Variants in PELI1 observed in about 807,000 individuals in gnomAD.
PELI1 encodes pellino E3 ubiquitin protein ligase 1, also known as E3 ubiquitin-protein ligase pellino homolog 1.
In PELI1, 15 loss-of-function variants were observed where a neutral mutation model predicts 41.3. That is an observed-to-expected ratio of 0.36 (90% CI 0.24 to 0.56). The LOEUF (loss-of-function observed/expected upper bound fraction) is 0.56. Ranked by LOEUF, PELI1 falls within the 20% of genes least tolerant of loss-of-function variation. The pLI, the probability that PELI1 is intolerant of heterozygous loss-of-function variation, is 0.82. For missense variants in PELI1, 403 were observed against 525.5 expected (o/e 0.77, Z 2.28); for synonymous variants, 178 against 180.1 (o/e 0.99, Z 0.09).
intron 4 of PELI1, among the ~76,000 whole-genome samples, chr2:64,099,040 A>G (rs1203330861): frequency 6.6e-6 from 1 of 152,148 alleles, no homozygotes; most frequent in Non-Finnish European, 1.5e-5. Context: ...GCCCCCAAGT[A>G]ACTCTATCAT....
intron 4 of PELI1, among the ~76,000 whole-genome samples, chr2:64,099,530 T>C (rs1210324788): frequency 6.6e-6 from 1 of 152,184 alleles, no homozygotes; most frequent in Non-Finnish European, 1.5e-5. Flanking sequence ...ATTCAGTATC[T>C]CATCTCATTA....
intron 3 of PELI1, among the ~76,000 whole-genome samples, chr2:64,102,317 TAAAC>T (rs1368331806): frequency 7.9e-5 from 12 of 152,134 alleles, no homozygotes; most frequent in Admixed American, 7.9e-4. Context: ...TTACAAGTTT[TAAAC>T]ATATATATAC....
intron 1 of PELI1, among the ~76,000 whole-genome samples, chr2:64,113,266 G>A (rs976051308): frequency 2.2e-4 from 33 of 151,034 alleles, no homozygotes; most frequent in Admixed American, 4.0e-4. Context: ...CCTCCAGCCT[G>A]GGTGACGGAG....
intron 1 of PELI1, among the ~76,000 whole-genome samples, chr2:64,125,172 A>C (rs1249567438): frequency 6.6e-6 from 1 of 152,088 alleles, no homozygotes; most frequent in Non-Finnish European, 1.5e-5. Context: ...TGATGTGTTC[A>C]CCAACCCAAA....
chr2:64,129,011 T>A (rs1255040699), intron 1 of PELI1, among the ~76,000 whole-genome samples: 1 of 152,184 alleles, frequency 6.6e-6, no homozygotes, highest in Non-Finnish European at 1.5e-5. Flanking sequence ...ATCACAATGT[T>A]TACTGAGCCA....
intron 3 of PELI1, among the ~76,000 whole-genome samples, chr2:64,101,833 T>A (rs1398582833): frequency 6.7e-6 from 1 of 149,346 alleles, no homozygotes; most frequent in Non-Finnish European, 1.5e-5. Flanking sequence ...GATTTTTTTT[T>A]TTTTTTTTTT....
chr2:64,113,148 A>G (rs1255468261), intron 1 of PELI1, among the ~76,000 whole-genome samples: 1 of 152,030 alleles, frequency 6.6e-6, no homozygotes, highest in Non-Finnish European at 1.5e-5. Context: ...TAAAAACAGA[A>G]AACATTAGCC....
chr2:64,130,390 C>T (rs942437342), intron 1 of PELI1, among the ~76,000 whole-genome samples: 1 of 152,162 alleles, frequency 6.6e-6, no homozygotes, highest in Non-Finnish European at 1.5e-5. Flanking sequence ...TCACTATTCA[C>T]TTGTAAAAAA....
chr2:64,098,510 G>A (rs1213389496), intron 4 of PELI1, among the ~76,000 whole-genome samples: 2 of 152,066 alleles, frequency 1.3e-5, no homozygotes, highest in Non-Finnish European at 2.9e-5. Context: ...ACCGGTTGCT[G>A]GCAAAAATCC....
chr2:64,137,493 G>A (rs557357580), intron 1 of PELI1, among the ~76,000 whole-genome samples: 1 of 152,236 alleles, frequency 6.6e-6, no homozygotes, highest in Non-Finnish European at 1.5e-5. Flanking sequence ...ATGTGTGTGT[G>A]TGTGTGCGCA....
At chr2:64,135,324 C>T (rs1681680708) in intron 1 of PELI1, among the ~76,000 whole-genome samples, 1 of 152,032 alleles carries the variant, frequency 6.6e-6, no homozygotes, top group South Asian at 2.1e-4. Context: ...AGTATTGCAT[C>T]CTACAGGTCA....
At chr2:64,118,104 C>T (rs973094034) in intron 1 of PELI1, among the ~76,000 whole-genome samples, 28 of 152,184 alleles carry the variant, frequency 1.8e-4, no homozygotes, top group African/African-American at 6.0e-4. Flanking sequence ...CCACCGTGCC[C>T]GGCCCTTTTG....
At chr2:64,129,933 C>T (rs1681501388) in intron 1 of PELI1, among the ~76,000 whole-genome samples, 1 of 152,176 alleles carries the variant, frequency 6.6e-6, no homozygotes, top group African/African-American at 2.4e-5. Flanking sequence ...TCACTGATTA[C>T]CTCTCCAGAG....
chr2:64,132,087 T>C (rs1037201009), intron 1 of PELI1, among the ~76,000 whole-genome samples: 1 of 152,202 alleles, frequency 6.6e-6, no homozygotes, highest in African/African-American at 2.4e-5. Context: ...GCAACAGATC[T>C]TTCCCCCTCC....
intron 1 of PELI1, among the ~76,000 whole-genome samples, chr2:64,138,050 T>G (rs1681775331): frequency 6.6e-6 from 1 of 152,180 alleles, no homozygotes; most frequent in Non-Finnish European, 1.5e-5. Flanking sequence ...CCCATGCTGA[T>G]GCTGATTTTA....
intron 1 of PELI1, among the ~76,000 whole-genome samples, chr2:64,139,790 T>C (rs1251664315): frequency 6.6e-6 from 1 of 152,196 alleles, no homozygotes; most frequent in Non-Finnish European, 1.5e-5. Context: ...CAGCAGAAAT[T>C]GCTAATCACA....
chr2:64,123,397 G>A (rs2103722346), intron 1 of PELI1, among the ~76,000 whole-genome samples: 1 of 152,174 alleles, frequency 6.6e-6, no homozygotes, highest in African/African-American at 2.4e-5. Flanking sequence ...CACATAATGG[G>A]AAAAATTATT....
At chr2:64,102,995 C>A (rs1173433625) in intron 3 of PELI1, among the ~76,000 whole-genome samples, 1 of 151,446 alleles carries the variant, frequency 6.6e-6, no homozygotes, top group Non-Finnish European at 1.5e-5. Context: ...GGGCATGCCA[C>A]CACGCTTGGC....
intron 2 of PELI1, among the ~76,000 whole-genome samples, chr2:64,107,223 C>T (rs1245635245): frequency 6.6e-6 from 1 of 152,174 alleles, no homozygotes; most frequent in Non-Finnish European, 1.5e-5. Flanking sequence ...TAAGCTACTG[C>T]ACCTGGCCTA....
Sources: allele counts gnomAD v4.1 joint callset (sites outside exome capture counted in the v4.1 genomes callset), GRCh38; gene constraint gnomAD v4.1.1; transcripts MANE v1.5; gene names NCBI Gene and HGNC (gene_info 2026-07-23, HGNC 2026-07-21).